OSBP2: variants seen among roughly 807,000 people sequenced by gnomAD.
The protein encoded by OSBP2 is oxysterol binding protein 2, also known as oxysterol-binding protein 2.
Under a neutral mutation model 96.0 loss-of-function variants are expected in OSBP2, and 66 were observed. The observed-to-expected ratio is 0.69, with a 90% confidence interval of 0.56 to 0.84. OSBP2 has a LOEUF of 0.84. Ranked by LOEUF, OSBP2 falls within the 40% of genes least tolerant of loss-of-function variation. The pLI is 0.00. For synonymous variants in OSBP2, 525 were observed against 520.9 expected, an observed-to-expected ratio of 1.01 and a Z score of -0.11; for missense variants, 1,038 against 1,222.7, an observed-to-expected ratio of 0.85 and a Z score of 2.25.
At chr22:30,818,137 A>G (rs1362291478) in intron 2 of OSBP2, among the ~76,000 whole-genome samples, 1 of 152,164 alleles carries the variant, frequency 6.6e-6, no homozygotes, top group Non-Finnish European at 1.5e-5. Context: ...GGCTCAAGCA[A>G]TCTGCTCATC....
At chr22:30,887,997 G>A (rs1350668142) in intron 4 of OSBP2, among the ~76,000 whole-genome samples, 2 of 152,134 alleles carry the variant, frequency 1.3e-5, no homozygotes, top group Non-Finnish European at 2.9e-5. Flanking sequence ...GAGATCGGGG[G>A]GGCTTCCAGA....
Position 30,870,466 on chromosome 22 carries a change from C to G in OSBP2, c.891C>G (p.Ala297=). The change falls in exon 3 of 14, where the codon GCC becomes GCG. Residue 297 remains alanine (A), a synonymous_variant. Transcript: ENST00000332585. The surrounding 1 kb of genome is among the most constrained non-coding windows in gnomAD (Gnocchi z 4.1). Reference sequence around the variant, plus strand: ...ACGACGACGAGGCTACCACCCCAGCCGACAAGAGCGAGCTGCACCACACCC... The same window carrying G: ...ACGACGACGAGGCTACCACCCCAGCGGACAAGAGCGAGCTGCACCACACCC... ...SGDDDEATTP[A]DKSELHHTLK... 1 of 1,614,042 alleles carries G rather than the reference C, an allele frequency of 6.2e-7. No homozygotes were observed. The highest frequency in any genetic ancestry group is 8.5e-7 in the Non-Finnish European group (1 of 1,180,016).
intron 2 of OSBP2, among the ~76,000 whole-genome samples, chr22:30,866,173 G>T (rs748111494): frequency 6.6e-6 from 1 of 152,212 alleles, no homozygotes; most frequent in Non-Finnish European, 1.5e-5. Flanking sequence ...ATGGCGAAAG[G>T]GATGTTGCAG....
rs770040385 is a variant in OSBP2 at position 30,741,199 on chromosome 22, T to C, written c.683T>C (p.Ile228Thr). 1 of 1,614,156 alleles carries C rather than the reference T, an allele frequency of 6.2e-7. No individual in the cohort carries two copies. Among genetic ancestry groups the C allele is most frequent in the Non-Finnish European group, 8.5e-7 (1 of 1,180,024 alleles). ...GEMAHTCRGT[I>T]NLSTAHIDTE... ...ATGGCCCACACGTGCCGTGGAACCATCAACCTGTCCACCGCGCACATTGAC... is the reference window on the plus strand; with the variant it reads ...ATGGCCCACACGTGCCGTGGAACCACCAACCTGTCCACCGCGCACATTGAC... The change falls in exon 2 of 14, where the codon ATC (isoleucine) becomes ACC (threonine). Residue 228 changes from isoleucine to threonine, a missense_variant. Around this residue, in one of 3 missense-constraint regions of OSBP2, gnomAD observed 281 missense variants for 273.4 expected, o/e 1.03. Transcript: ENST00000332585.
intron 2 of OSBP2, among the ~76,000 whole-genome samples, chr22:30,839,942 C>G (rs2038713723): frequency 1.3e-5 from 2 of 151,982 alleles, no homozygotes; most frequent in Admixed American, 1.3e-4. Context: ...AATGGTATTG[C>G]CTAGGTTTTC....
At chr22:30,897,641 A>ATTTT (rs1295850653) in intron 12 of OSBP2, among the ~76,000 whole-genome samples, 1 of 152,210 alleles carries the variant, frequency 6.6e-6, no homozygotes, top group Non-Finnish European at 1.5e-5. Context: ...GAACTGAATG[A>ATTTT]TATAAAAGAT....
At chr22:30,860,780 T>C (rs5749181) in intron 2 of OSBP2, among the ~76,000 whole-genome samples, 69,995 of 152,142 alleles carry the variant, frequency 0.46, 16,671 homozygotes, top group East Asian at 0.64. Context: ...AGGCTGGGTG[T>C]TCTGCCGGCT....
chr22:30,785,064 G>C (rs1346850018), intron 2 of OSBP2, among the ~76,000 whole-genome samples: 1 of 152,086 alleles, frequency 6.6e-6, no homozygotes, highest in Non-Finnish European at 1.5e-5. Flanking sequence ...GTGAGCCACT[G>C]CACCCAGCCT....
chr22:30,764,462 G>T lies in OSBP2; in HGVS notation c.853+23093G>T. The T allele has an allele frequency of 5.4e-6, 5 of 929,210 alleles. No homozygotes were observed. In the South Asian group the frequency reaches 2.5e-4, roughly 46 times the overall value. 57.6% of individuals were successfully genotyped at this position (929,210 alleles called of 1,614,324 possible). ...CCACTGAGGTGGAAATAAATTCCCA[G>T]GGAGTGTGGCGTTGTTCTGGCTCTG... On this transcript the variant is annotated intron_variant, in intron 2 of 13. Transcript: ENST00000332585.
chr22:30,887,428 C>T lies in OSBP2; in HGVS notation c.1110C>T (p.Ala370=). 6.2e-7 allele frequency: 1 copy of T among 1,612,362 alleles called. No individual in the cohort carries two copies. Among genetic ancestry groups the T allele is most frequent in the Non-Finnish European group, 8.5e-7 (1 of 1,178,954 alleles). ...TACCGCCACTCCTCCCTCCCCAGGCCTGCAGGGACTTCTTGGAACTAGCAG... is the reference window on the plus strand; with the variant it reads ...TACCGCCACTCCTCCCTCCCCAGGCTTGCAGGGACTTCTTGGAACTAGCAG... ...FRITSNAMIN[A]CRDFLELAEI... Residue 370 remains alanine, a splice_region_variant and synonymous_variant, in exon 4 of 14, where the codon GCC becomes GCT. Transcript: ENST00000332585.
Position 30,716,072 on chromosome 22 carries a change from G to A in OSBP2, c.644+20519G>A, listed in dbSNP as rs549114974. Reference sequence around the variant, plus strand: ...TTTTTTTTTTTTGAGACAGAATCTCGCTCTTGTCGCCCAGGCTGGAGTGCA... The same window carrying A: ...TTTTTTTTTTTTGAGACAGAATCTCACTCTTGTCGCCCAGGCTGGAGTGCA... On this transcript the variant is annotated intron_variant, in intron 1 of 13. Transcript: ENST00000332585. Among the ~76,000 whole-genome samples, 212 of 141,422 alleles carry A rather than the reference G, an allele frequency of 1.5e-3. 1 individual carries two copies. The highest frequency in any genetic ancestry group is 5.2e-3 in the African/African-American group (197 of 38,004). 92.8% of individuals were successfully genotyped at this position (141,422 alleles called of 152,430 possible). A position where few individuals can be genotyped will look rare whatever the true frequency, so the allele number is the denominator to read the frequency against.
Position 30,775,988 on chromosome 22 carries a change from G to T in OSBP2, c.853+34619G>T, listed in dbSNP as rs546285362. ...TTTTTGTATTTTTAGTAGAGATGGG[G>T]TTTTGCCATGTTGTCCAGGCTGGTC... On this transcript the variant is annotated intron_variant, in intron 2 of 13. Transcript: ENST00000332585. Among the ~76,000 whole-genome samples the T allele has an allele frequency of 3.9e-5, 6 of 151,926 alleles. No individual in the cohort carries two copies. In the South Asian group the frequency reaches 1.3e-3, roughly 32 times the overall value.
intron 2 of OSBP2, among the ~76,000 whole-genome samples, chr22:30,815,670 T>C (rs908021555): frequency 2.0e-5 from 3 of 152,216 alleles, no homozygotes; most frequent in Admixed American, 6.5e-5. Flanking sequence ...ATATTAAACA[T>C]GGCTCTTCAT....
At position 30,871,372 on chromosome 22, in the gene OSBP2, G is replaced by T. The variant is rs912437596; in HGVS notation, c.1107+690G>T. Among the ~76,000 whole-genome samples the T allele has an allele frequency of 4.6e-5, 7 of 152,190 alleles. No individual in the cohort carries two copies. The highest frequency in any genetic ancestry group is 3.3e-4 in the Admixed American group (5 of 15,294). ...GCCCTGCTTCCCTCTTTCTGTCTGG[G>T]GAGTGTTCCCCAGAAGTGTGCGTGC... On this transcript the variant is annotated intron_variant, in intron 3 of 13. Coordinates refer to ENST00000332585, the MANE Select transcript of OSBP2 (RefSeq NM_030758.4). This position sits in a 1 kb window ranked among gnomAD's most constrained non-coding sequence, Gnocchi z 4.7.
intron 12 of OSBP2, among the ~76,000 whole-genome samples, chr22:30,895,900 T>C (rs991064445): frequency 5.4e-5 from 8 of 147,284 alleles, no homozygotes; most frequent in Admixed American, 4.8e-4. Context: ...ATCGTGCCAC[T>C]GCACTCTAGC....
chr22:30,727,148 G>C (rs149104784), intron 1 of OSBP2, among the ~76,000 whole-genome samples: 106 of 152,316 alleles, frequency 7.0e-4, no homozygotes, highest in Non-Finnish European at 1.4e-3. Flanking sequence ...TTAAATGGCT[G>C]TCCATGTGAG....
At chr22:30,694,739 G>A (rs1362729465), upstream of OSBP2, 10 of 458,356 alleles carry the variant, frequency 2.2e-5, no homozygotes, top group Admixed American at 6.4e-5. Context: ...GAGGCTGGCC[G>A]AGAGCACAAC....
intron 2 of OSBP2, among the ~76,000 whole-genome samples, chr22:30,820,846 A>G (rs2038257678): frequency 6.6e-6 from 1 of 152,142 alleles, no homozygotes; most frequent in Admixed American, 6.5e-5. Context: ...ATCTAACTCA[A>G]TTGTTAAGGA....
intron 2 of OSBP2, among the ~76,000 whole-genome samples, chr22:30,805,615 G>A (rs572682080): frequency 2.6e-5 from 4 of 152,146 alleles, no homozygotes; most frequent in African/African-American, 9.7e-5. Context: ...GTCTACCTCC[G>A]CTGGTTATTA....
Sources: gnomAD v4.1 joint callset for allele counts (sites outside exome capture counted in the v4.1 genomes callset) on GRCh38, gnomAD v4.1.1 for gene constraint, gnomAD v4.1.1 regional missense constraint, Gnocchi (gnomAD v3.1) non-coding constraint, MANE v1.5 for transcripts, NCBI Gene and HGNC (gene_info 2026-07-23, HGNC 2026-07-21) for gene names.